LMNTD1: variants seen among roughly 807,000 people sequenced by gnomAD.
LMNTD1 encodes the protein lamin tail domain-containing protein 1.
Under a neutral mutation model 50.9 loss-of-function variants are expected in LMNTD1, and 35 were observed. The observed-to-expected ratio is 0.69, with a 90% CI of 0.53 to 0.91. LMNTD1 has a LOEUF of 0.91. Ranked by LOEUF, LMNTD1 falls within the 40% of genes least tolerant of loss-of-function variation. The pLI, the probability that LMNTD1 is intolerant of heterozygous loss-of-function variation, is 0.00. For missense variants in LMNTD1, 470 were observed against 475.5 expected, an observed-to-expected ratio of 0.99 and a Z score of 0.11; for synonymous variants, 153 against 161.9, an observed-to-expected ratio of 0.94 and a Z score of 0.42.
intron 1 of LMNTD1, among the ~76,000 whole-genome samples, chr12:25,633,604 A>G (rs1292651732): frequency 2.0e-5 from 3 of 152,230 alleles, no homozygotes; most frequent in African/African-American, 7.2e-5. Context: ...ATCAAGATGT[A>G]AATCTAAAAA....
rs1029315514 is a variant in LMNTD1, at chr12:25,476,314, C to G, written c.*169G>C. On this transcript the variant is annotated 3_prime_UTR_variant, in exon 10 of 10. Transcript: ENST00000458174. ...AAGCATCTATAATTCACCAATTCTA[C>G]AGCAATACAAATTTTGGATCCTTTT... The G allele has an allele frequency of 1.3e-5, 2 of 152,150 alleles. No homozygotes were observed. The highest frequency in any genetic ancestry group is 2.9e-5 in the Non-Finnish European group (2 of 68,028). 9.4% of individuals were successfully genotyped at this position (152,150 alleles called of 1,614,324 possible).
rs1390668027 is a variant in LMNTD1, at chr12:25,549,212, G to T, written c.310+114C>A. The T allele has an allele frequency of 5.0e-6, 3 of 595,616 alleles. No individual in the cohort carries two copies. In the Admixed American group the frequency reaches 9.8e-5, roughly 19 times the overall value. 36.9% of individuals were successfully genotyped at this position (595,616 alleles called of 1,614,324 possible). On this transcript the variant is annotated intron_variant, in intron 3 of 9. Coordinates refer to ENST00000458174, the MANE Select transcript of LMNTD1 (RefSeq NM_001145728.2). The stretch of plus-strand genomic sequence containing the variant: ...CTTTTCATAAGATGCTAGGAAGTTA[G>T]CATTTTGGGGGAGTAATAATAAAAC...
At chr12:25,602,446 G>C (rs932516465) in intron 1 of LMNTD1, among the ~76,000 whole-genome samples, 1 of 151,966 alleles carries the variant, frequency 6.6e-6, no homozygotes, top group African/African-American at 2.4e-5. Flanking sequence ...AATGTGCCTA[G>C]AGGGAAATAA....
chr12:25,593,475 T>C (rs1482111634), intron 1 of LMNTD1, among the ~76,000 whole-genome samples: 3 of 151,984 alleles, frequency 2.0e-5, no homozygotes, highest in African/African-American at 4.8e-5. Context: ...TCACTACAGA[T>C]CAGCTCTCAG....
chr12:25,524,136 TC>T (rs1181538635), intron 6 of LMNTD1, among the ~76,000 whole-genome samples: 1 of 152,214 alleles, frequency 6.6e-6, no homozygotes, highest in Admixed American at 6.5e-5. Context: ...CAATGCTTTT[TC>T]TCATGCTCTC....
At chr12:25,488,452 C>T (rs1210176580) in intron 9 of LMNTD1, among the ~76,000 whole-genome samples, 3 of 143,772 alleles carry the variant, frequency 2.1e-5, no homozygotes, top group Non-Finnish European at 4.5e-5. Flanking sequence ...GCATTCTTCA[C>T]GTAGTTCTCG....
chr12:25,497,036 C>T (rs1939100335), intron 9 of LMNTD1, among the ~76,000 whole-genome samples: 1 of 152,020 alleles, frequency 6.6e-6, no homozygotes, highest in Non-Finnish European at 1.5e-5. Context: ...TGTATTAGAA[C>T]TTCATTTTTT....
intron 1 of LMNTD1, among the ~76,000 whole-genome samples, chr12:25,588,001 G>T (rs1438126663): frequency 6.6e-6 from 1 of 152,128 alleles, no homozygotes; most frequent in Non-Finnish European, 1.5e-5. Context: ...GTTATAACTT[G>T]TCAAGCTGTT....
chr12:25,590,668 G>A (rs1945669959), intron 1 of LMNTD1, among the ~76,000 whole-genome samples: 1 of 152,182 alleles, frequency 6.6e-6, no homozygotes, highest in Admixed American at 6.5e-5. Flanking sequence ...GAGAGGAGAG[G>A]GAAGAGTATG....
chr12:25,574,948 T>C (rs1482363205), intron 1 of LMNTD1, among the ~76,000 whole-genome samples: 1 of 152,174 alleles, frequency 6.6e-6, no homozygotes, highest in Non-Finnish European at 1.5e-5. Context: ...ATCATTCATC[T>C]GGAGGGTGAT....
intron 1 of LMNTD1, among the ~76,000 whole-genome samples, chr12:25,594,212 A>G (rs1396303432): frequency 6.6e-6 from 1 of 152,188 alleles, no homozygotes; most frequent in Non-Finnish European, 1.5e-5. Flanking sequence ...AGCTCAAAGA[A>G]CACCTGGGAA....
chr12:25,529,412 C>T (rs169402), intron 4 of LMNTD1, among the ~76,000 whole-genome samples: 91,966 of 151,762 alleles, frequency 0.61, 29,515 homozygotes, highest in Non-Finnish European at 0.71. Context: ...TCAAAAGGTA[C>T]CCCTGAACTC....
intron 1 of LMNTD1, among the ~76,000 whole-genome samples, chr12:25,563,937 T>C (rs993221042): frequency 5.3e-5 from 8 of 152,170 alleles, no homozygotes; most frequent in African/African-American, 1.4e-4. Context: ...CGTGGGACCC[T>C]CCAAGCCATG....
Position 25,532,481 on chromosome 12 carries a change from GTC to G in LMNTD1, c.492-5528_492-5527del, listed in dbSNP as rs536804116. ...CTTGAGAAAAACCTCTAACTTCTCA[GTC>G]TCTTAGTTGCGGCTTTCAAAATTGG... On this transcript the variant is annotated intron_variant, in intron 4 of 9. Coordinates refer to ENST00000458174, the MANE Select transcript of LMNTD1 (RefSeq NM_001145728.2). Among the ~76,000 whole-genome samples the G allele has an allele frequency of 4.7e-3, 715 of 152,188 alleles. 1 individual carries two copies. The highest frequency in any genetic ancestry group is 7.6e-3 in the Non-Finnish European group (518 of 67,990).
chr12:25,497,260 A>T, intron 9 of LMNTD1, among the ~76,000 whole-genome samples: 1 of 152,110 alleles, frequency 6.6e-6, no homozygotes, highest in Non-Finnish European at 1.5e-5. Flanking sequence ...TGCCCTTTGC[A>T]GCGAGGATGA....
At chr12:25,591,796 C>T (rs1448970592) in intron 1 of LMNTD1, among the ~76,000 whole-genome samples, 1 of 131,138 alleles carries the variant, frequency 7.6e-6, no homozygotes, top group East Asian at 2.2e-4. Context: ...ACCTCCAGCT[C>T]CTAATAGCTC....
rs374255820 is a variant in LMNTD1 at position 25,491,093 on chromosome 12, G to T, written c.*22+12645C>A. On this transcript the variant is annotated intron_variant, in intron 9 of 9. Coordinates refer to ENST00000458174, the MANE Select transcript of LMNTD1 (RefSeq NM_001145728.2). ...GTGTTGGGGCCCAGTGCCGCCTGAGGATGAAATGATAACTAGTTAAAAGTA... is the reference window on the plus strand; with the variant it reads ...GTGTTGGGGCCCAGTGCCGCCTGAGTATGAAATGATAACTAGTTAAAAGTA... 1.8e-4 allele frequency among the ~76,000 whole-genome samples: 28 copies of T among 152,360 alleles called. 1 individual carries two copies. Among genetic ancestry groups the T allele is most frequent in the African/African-American group, 4.8e-4 (20 of 41,578 alleles).
chr12:25,634,420 G>T (rs1271962247), intron 1 of LMNTD1, among the ~76,000 whole-genome samples: 1 of 152,098 alleles, frequency 6.6e-6, no homozygotes, highest in Non-Finnish European at 1.5e-5. Flanking sequence ...GATGAACATA[G>T]ATGCTAAAAT....
chr12:25,478,987 C>G (rs1277271778), intron 9 of LMNTD1, among the ~76,000 whole-genome samples: 1 of 151,972 alleles, frequency 6.6e-6, no homozygotes, highest in Non-Finnish European at 1.5e-5. Context: ...ACCTTAATCA[C>G]AGGGCATGGT....
Sources: allele counts gnomAD v4.1 joint callset (sites outside exome capture counted in the v4.1 genomes callset), GRCh38; gene constraint gnomAD v4.1.1; transcripts MANE v1.5; gene names NCBI Gene and HGNC (gene_info 2026-07-23, HGNC 2026-07-21).